Variants in GLI2 observed in about 807,000 individuals in gnomAD.
GLI2 encodes the protein GLI family zinc finger 2.
Under a neutral mutation model 78.9 loss-of-function variants are expected in GLI2, and 22 were observed. That is an observed-to-expected ratio of 0.28 (90% CI 0.20 to 0.40). GLI2 has a LOEUF of 0.40. GLI2 is among the 10% of genes least tolerant of loss of function. GLI2 has a pLI of 1.00. For synonymous variants in GLI2, 974 were observed against 963.7 expected, an observed-to-expected ratio of 1.01 and a Z score of -0.20; for missense variants, 2,097 against 2,213.2, an observed-to-expected ratio of 0.95 and a Z score of 1.05.
intron 2 of GLI2, among the ~76,000 whole-genome samples, chr2:120,875,801 G>T (rs1688707509): frequency 6.6e-6 from 1 of 152,122 alleles, no homozygotes; most frequent in African/African-American, 2.4e-5. Context: ...TGACAGTGAT[G>T]GGGGATGAGG....
At chr2:120,864,985 A>G (rs567059104) in intron 2 of GLI2, among the ~76,000 whole-genome samples, 1 of 152,216 alleles carries the variant, frequency 6.6e-6, no homozygotes, top group African/African-American at 2.4e-5. Flanking sequence ...TTGGGGTCCA[A>G]CCAGTTCTCT....
intron 3 of GLI2, among the ~76,000 whole-genome samples, chr2:120,936,644 C>T (rs189024867): frequency 2.0e-5 from 3 of 152,284 alleles, no homozygotes; most frequent in East Asian, 3.9e-4. Context: ...GGAAACAGAA[C>T]AGTAATCAAC....
intron 2 of GLI2, among the ~76,000 whole-genome samples, chr2:120,919,754 G>C (rs1679276996): frequency 6.6e-6 from 1 of 152,250 alleles, no homozygotes; most frequent in Admixed American, 6.5e-5. Context: ...GAGGGCCCTG[G>C]TGTTTGGAAC....
intron 2 of GLI2, among the ~76,000 whole-genome samples, chr2:120,912,746 AAGATCTCGGG>A (rs1409825067): frequency 2.6e-5 from 4 of 152,062 alleles, no homozygotes; most frequent in African/African-American, 9.7e-5. Flanking sequence ...TTATTTGTCG[AAGATCTCGGG>A]AGTCCACACA....
At position 120,954,565 on chromosome 2, in the gene GLI2, C is replaced by T. The variant is rs560417928; in HGVS notation, c.458-680C>T. 8.5e-5 allele frequency among the ~76,000 whole-genome samples: 13 copies of T among 152,340 alleles called. No individual in the cohort carries two copies. The South Asian group carries it at 2.1e-3, about 24-fold the overall frequency. On this transcript the variant is annotated intron_variant, in intron 4 of 13. Coordinates refer to ENST00000361492, the MANE Select transcript of GLI2 (RefSeq NM_001374353.1). ...TTGCTTCCTAGATTCAGACTGCCCT[C>T]TTTGCACACCTGTGGACTCTTGATG... is the stretch of plus-strand genomic sequence containing the variant.
chr2:120,842,623 G>A (rs1377772399), intron 2 of GLI2, among the ~76,000 whole-genome samples: 3 of 152,224 alleles, frequency 2.0e-5, no homozygotes, highest in African/African-American at 4.8e-5. Flanking sequence ...CTGGCATGCC[G>A]ATGTGAGAAC....
At chr2:120,906,140 C>T (rs277527) in intron 2 of GLI2, among the ~76,000 whole-genome samples, 1 of 152,204 alleles carries the variant, frequency 6.6e-6, no homozygotes, top group Non-Finnish European at 1.5e-5. Flanking sequence ...CAGCACGGTG[C>T]GGGGCAGGCA....
chr2:120,930,807 T>C (rs1679913079), intron 3 of GLI2, among the ~76,000 whole-genome samples: 2 of 152,316 alleles, frequency 1.3e-5, no homozygotes, highest in Middle Eastern at 3.4e-3. Flanking sequence ...CTCAGTGCCG[T>C]CCTTCCCTGT....
intron 5 of GLI2, among the ~76,000 whole-genome samples, chr2:120,965,249 G>C (rs1461726629): frequency 6.6e-6 from 1 of 151,242 alleles, no homozygotes; most frequent in Admixed American, 6.6e-5. Flanking sequence ...ACTCCAGCCA[G>C]GATGCAGATG....
chr2:120,974,523 C>G (rs564137241), intron 8 of GLI2, among the ~76,000 whole-genome samples: 2 of 152,276 alleles, frequency 1.3e-5, no homozygotes, highest in Admixed American at 1.3e-4. Flanking sequence ...CTAATGTGGT[C>G]AGGGGACTCA....
At chr2:120,803,893 G>C (rs76855407) in intron 2 of GLI2, among the ~76,000 whole-genome samples, 123 of 152,296 alleles carry the variant, frequency 8.1e-4, no homozygotes, top group African/African-American at 2.5e-3. Flanking sequence ...AGAGTCTCAG[G>C]GGGGGAGACT....
chr2:120,868,261 C>G (rs1208493517), intron 2 of GLI2, among the ~76,000 whole-genome samples: 1 of 151,836 alleles, frequency 6.6e-6, no homozygotes, highest in African/African-American at 2.4e-5. Flanking sequence ...AAAACAGCTT[C>G]CCGGGGGACC....
chr2:120,988,792 G>A lies in GLI2; in HGVS notation c.2827G>A (p.Glu943Lys), dbSNP rs1276841941. The change falls in exon 14 of 14, where the codon GAG becomes AAG. Residue 943 changes from glutamate (E) to lysine (K), a missense_variant. By Grantham distance (56) the Glu-to-Lys change is moderately conservative (BLOSUM62 1). Coordinates refer to ENST00000361492, the MANE Select transcript of GLI2 (RefSeq NM_001374353.1). ...GGGGGCTGCGCCCGCCTTCCCCCAC[G>A]AGGCTCCAGGCGGCGGAGCCAGGCG... ...HAGAAPAFPH[E>K]APGGGARRAS... The A allele has an allele frequency of 5.1e-6, 7 of 1,368,398 alleles. No individual in the cohort carries two copies. In the African/African-American group the frequency reaches 6.2e-5, roughly 12 times the overall value. 84.8% of individuals were successfully genotyped at this position (1,368,398 alleles called of 1,614,324 possible).
chr2:120,786,736 TTGA>T (rs1684007836), intron 1 of GLI2, among the ~76,000 whole-genome samples: 1 of 152,104 alleles, frequency 6.6e-6, no homozygotes, highest in Admixed American at 6.5e-5. Context: ...ACAGTACAAG[TTGA>T]CTAGTGTGCC....
intron 2 of GLI2, among the ~76,000 whole-genome samples, chr2:120,871,979 G>A (rs1210723112): frequency 6.6e-6 from 1 of 152,208 alleles, no homozygotes; most frequent in Non-Finnish European, 1.5e-5. Flanking sequence ...CCCGGGGTCT[G>A]GGCATGACAA....
intron 5 of GLI2, among the ~76,000 whole-genome samples, chr2:120,956,982 C>T (rs895355819): frequency 1.3e-5 from 2 of 152,224 alleles, no homozygotes; most frequent in Admixed American, 6.5e-5. Context: ...CCCCTGCCCC[C>T]CTCAGTCACT....
In GLI2 at chr2:120,783,904, G is replaced by T. The variant is rs549383518; in HGVS notation, c.-30-13387G>T. ...TGACTGTCCAGTGGTAGAATTTCAG[G>T]TGGGGAGTCAGAGTGATTTTTGTTT... On this transcript the variant is annotated intron_variant, in intron 1 of 13. Transcript: ENST00000361492. Among the ~76,000 whole-genome samples the T allele has an allele frequency of 1.3e-3, 201 of 152,340 alleles. 3 individuals carry two copies. Among genetic ancestry groups the T allele is most frequent in the Admixed American group, 1.5e-3 (23 of 15,304 alleles).
intron 1 of GLI2, among the ~76,000 whole-genome samples, chr2:120,762,214 C>G (rs1340145238): frequency 6.6e-6 from 1 of 152,126 alleles, no homozygotes; most frequent in East Asian, 1.9e-4. Context: ...GTCCCTGGCT[C>G]TGGGGGATGG....
chr2:120,933,187 C>T (rs1573626059), intron 3 of GLI2, among the ~76,000 whole-genome samples: 1 of 152,242 alleles, frequency 6.6e-6, no homozygotes. Context: ...TGAGGACAGC[C>T]TTGCAGCCCA....
Sources: gnomAD v4.1 joint callset for allele counts (sites outside exome capture counted in the v4.1 genomes callset) on GRCh38, gnomAD v4.1.1 for gene constraint, MANE v1.5 for transcripts, NCBI Gene and HGNC (gene_info 2026-07-23, HGNC 2026-07-21) for gene names.